Variants in ZFAND3 observed in about 807,000 individuals in gnomAD.
The protein encoded by ZFAND3 is AN1-type zinc finger protein 3.
A neutral mutation model predicts 29.6 loss-of-function variants in ZFAND3; 10 were observed. The observed-to-expected ratio is 0.34, with a 90% confidence interval of 0.21 to 0.57. The LOEUF (loss-of-function observed/expected upper bound fraction) is 0.57. ZFAND3 is among the 20% of genes least tolerant of loss of function. ZFAND3 has a pLI of 0.86. For missense variants in ZFAND3, 230 were observed against 304.5 expected, an observed-to-expected ratio of 0.76 and a Z score of 1.82; for synonymous variants, 128 against 112.6, an observed-to-expected ratio of 1.14 and a Z score of -0.87.
intron 5 of ZFAND3, among the ~76,000 whole-genome samples, chr6:38,129,386 T>C (rs1765700546): frequency 6.6e-6 from 1 of 152,244 alleles, no homozygotes; most frequent in Admixed American, 6.5e-5. Context: ...TTATTGGTCA[T>C]GAAATCCTTG....
intron 2 of ZFAND3, among the ~76,000 whole-genome samples, chr6:37,931,555 A>C (rs1263803151): frequency 3.6e-4 from 54 of 149,528 alleles, no homozygotes; most frequent in East Asian, 1.2e-3. Flanking sequence ...AAAAAAAAAA[A>C]CAAAAAAAAA....
At chr6:38,139,655 A>C (rs1484704735) in intron 5 of ZFAND3, among the ~76,000 whole-genome samples, 2 of 152,146 alleles carry the variant, frequency 1.3e-5, no homozygotes, top group Non-Finnish European at 2.9e-5. Flanking sequence ...TTTTTATTGT[A>C]ATCAGTGGAG....
chr6:37,852,080 T>C (rs1764291877), intron 1 of ZFAND3, among the ~76,000 whole-genome samples: 2 of 152,216 alleles, frequency 1.3e-5, no homozygotes, highest in African/African-American at 4.8e-5. Context: ...TTGGGCTTAG[T>C]TTATATTCTA....
At chr6:38,140,689 C>T (rs1405572617) in intron 5 of ZFAND3, among the ~76,000 whole-genome samples, 1 of 152,032 alleles carries the variant, frequency 6.6e-6, no homozygotes, top group Non-Finnish European at 1.5e-5. Context: ...CAAATTGTAA[C>T]CATTAGGTGA....
chr6:37,933,094 A>G (rs187210837), intron 2 of ZFAND3, among the ~76,000 whole-genome samples: 1 of 152,366 alleles, frequency 6.6e-6, no homozygotes, highest in East Asian at 1.9e-4. Flanking sequence ...CATGAGTTTT[A>G]CAAGACAACA....
rs1304980933 is a variant in ZFAND3 at position 38,061,793 on chromosome 6, G to C, written c.295+18G>C. On this transcript the variant is annotated intron_variant, in intron 3 of 5. Coordinates refer to ENST00000287218, the MANE Select transcript of ZFAND3 (RefSeq NM_021943.3). ...AGAGGAGTGTAAGTGTCTGGCTTCT[G>C]AGGGGTGGTAGAGAGAGCAGCTTAA... 6.2e-6 allele frequency: 10 copies of C among 1,613,388 alleles called. No homozygotes were observed. The South Asian group carries it at 1.1e-4, about 18-fold the overall frequency.
intron 1 of ZFAND3, among the ~76,000 whole-genome samples, chr6:37,914,301 C>G (rs1761190710): frequency 6.6e-6 from 1 of 152,140 alleles, no homozygotes; most frequent in Non-Finnish European, 1.5e-5. Context: ...CTTCCAGACC[C>G]TGTTGTTTCG....
At chr6:38,107,140 A>T (rs2127480673) in intron 4 of ZFAND3, among the ~76,000 whole-genome samples, 1 of 152,328 alleles carries the variant, frequency 6.6e-6, no homozygotes, top group African/African-American at 2.4e-5. Context: ...CAAGGAGACC[A>T]TTGGAAAGGA....
At chr6:38,094,774 C>G (rs1410382503) in intron 4 of ZFAND3, among the ~76,000 whole-genome samples, 3 of 152,166 alleles carry the variant, frequency 2.0e-5, no homozygotes, top group African/African-American at 7.2e-5. Flanking sequence ...TTTTATATGT[C>G]ATGGTTGTTA....
chr6:37,832,160 A>C (rs1003607418), intron 1 of ZFAND3, among the ~76,000 whole-genome samples: 5 of 152,182 alleles, frequency 3.3e-5, no homozygotes, highest in Non-Finnish European at 2.9e-5. Context: ...TGGACCCTAG[A>C]TAAAGTAACC....
intron 1 of ZFAND3, among the ~76,000 whole-genome samples, chr6:37,868,516 CG>C (rs1240636134): frequency 6.6e-6 from 1 of 151,910 alleles, no homozygotes; most frequent in Admixed American, 6.6e-5. Flanking sequence ...GACTGTAGCG[CG>C]GGGCTGGGGT....
intron 1 of ZFAND3, among the ~76,000 whole-genome samples, chr6:37,922,778 TA>T (rs1001699299): frequency 6.6e-6 from 1 of 152,110 alleles, no homozygotes. Context: ...GCATGAAAGA[TA>T]AAAAAGTGTA....
chr6:37,977,918 T>TTTCTTCTG (rs1462163127), intron 2 of ZFAND3, among the ~76,000 whole-genome samples: 4 of 132,422 alleles, frequency 3.0e-5, no homozygotes, highest in Non-Finnish European at 5.1e-5. Flanking sequence ...CCTTTCTTCC[T>TTTCTTCTG]TTCTTCCGTT....
At chr6:37,982,792 G>C (rs1370233004) in intron 2 of ZFAND3, among the ~76,000 whole-genome samples, 4 of 152,096 alleles carry the variant, frequency 2.6e-5, no homozygotes, top group African/African-American at 9.7e-5. Context: ...TCCTTCGGGA[G>C]GTATTCCAGA....
chr6:37,896,574 CTT>C (rs766462338), intron 1 of ZFAND3, among the ~76,000 whole-genome samples: 2 of 117,004 alleles, frequency 1.7e-5, no homozygotes, highest in African/African-American at 7.3e-5. Flanking sequence ...TTCTTTCTCT[CTT>C]TCTCTCTCTT....
chr6:38,026,299 G>C (rs996574839), intron 2 of ZFAND3, among the ~76,000 whole-genome samples: 16 of 151,554 alleles, frequency 1.1e-4, no homozygotes, highest in African/African-American at 3.4e-4. Flanking sequence ...TTTGCCGTCT[G>C]TTTTAGCACT....
intron 3 of ZFAND3, among the ~76,000 whole-genome samples, chr6:38,079,900 C>G (rs1303652020): frequency 6.6e-6 from 1 of 152,156 alleles, no homozygotes; most frequent in Non-Finnish European, 1.5e-5. Flanking sequence ...ATCCCCAGGA[C>G]TTTCTGGGTG....
chr6:37,899,793 T>G lies in ZFAND3; in HGVS notation c.72-30166T>G, dbSNP rs572915168. 6.4e-4 allele frequency among the ~76,000 whole-genome samples: 97 copies of G among 152,336 alleles called. 4 individuals are homozygous for G. The South Asian group carries it at 0.019, about 31-fold the overall frequency. ...GTTCAAAATGGTTTACAGTGAAAAGTAAATATTTTTACTTCCGTTCACAGT... is the reference window on the plus strand; with the variant it reads ...GTTCAAAATGGTTTACAGTGAAAAGGAAATATTTTTACTTCCGTTCACAGT... On this transcript the variant is annotated intron_variant, in intron 1 of 5. Transcript: ENST00000287218.
intron 2 of ZFAND3, among the ~76,000 whole-genome samples, chr6:37,981,768 A>G (rs1332374752): frequency 6.6e-6 from 1 of 152,148 alleles, no homozygotes; most frequent in Non-Finnish European, 1.5e-5. Context: ...GTCTCAATTT[A>G]GGAAGTTTAT....
Sources: gnomAD v4.1 joint callset for allele counts (sites outside exome capture counted in the v4.1 genomes callset) on GRCh38, gnomAD v4.1.1 for gene constraint, MANE v1.5 for transcripts, NCBI Gene and HGNC (gene_info 2026-07-23, HGNC 2026-07-21) for gene names.